The following LY86 variants were observed in gnomAD, a reference collection of about 807,000 sequenced individuals.
LY86 encodes the protein lymphocyte antigen 86, also known as MD-1, RP105-associated.
LY86 carries 20 observed loss-of-function variants against 17.3 expected under a neutral mutation model. The ratio of observed to expected loss-of-function variants is 1.15; its 90% CI spans 0.81 to 1.68. LY86 has a LOEUF of 1.68. LY86 is among the 40% of genes most tolerant of loss of function. The pLI, the probability that LY86 is intolerant of heterozygous loss-of-function variation, is 0.00. For missense variants in LY86, 200 were observed against 191.9 expected, an observed-to-expected ratio of 1.04 and a Z score of -0.25; for synonymous variants, 74 against 70.6, an observed-to-expected ratio of 1.05 and a Z score of -0.24.
At chr6:6,605,640 T>C (rs1761095347) in intron 1 of LY86, among the ~76,000 whole-genome samples, 2 of 152,276 alleles carry the variant, frequency 1.3e-5, no homozygotes, top group African/African-American at 4.8e-5. Context: ...TCCAATGTTT[T>C]CGCTATGTTC....
At chr6:6,634,372 C>T (rs1304021765) in intron 3 of LY86, among the ~76,000 whole-genome samples, 2 of 152,198 alleles carry the variant, frequency 1.3e-5, no homozygotes, top group African/African-American at 4.8e-5. Flanking sequence ...TACTGTTTGA[C>T]CGAAGTGAGA....
intron 3 of LY86, among the ~76,000 whole-genome samples, chr6:6,633,285 G>T (rs1761919104): frequency 6.6e-6 from 1 of 152,088 alleles, no homozygotes. Flanking sequence ...GGAGACGTGA[G>T]GTTCTCAACT....
intron 1 of LY86, among the ~76,000 whole-genome samples, chr6:6,605,319 G>A (rs1408624554): frequency 6.6e-6 from 1 of 152,188 alleles, no homozygotes; most frequent in Admixed American, 6.5e-5. Context: ...GTGTGGTTTA[G>A]TTGGGGGTCT....
chr6:6,590,919 T>C (rs905436895), intron 1 of LY86, among the ~76,000 whole-genome samples: 10 of 151,970 alleles, frequency 6.6e-5, no homozygotes, highest in Admixed American at 4.6e-4. Context: ...ATAAGGGACA[T>C]TGAAGTGCAC....
chr6:6,642,282 C>G (rs560932158), intron 3 of LY86, among the ~76,000 whole-genome samples: 1 of 152,370 alleles, frequency 6.6e-6, no homozygotes, highest in East Asian at 1.9e-4. Context: ...ATGGGGAGAA[C>G]TGGAAGAACC....
At chr6:6,630,294 C>A (rs974143723) in intron 3 of LY86, among the ~76,000 whole-genome samples, 2 of 152,226 alleles carry the variant, frequency 1.3e-5, no homozygotes, top group African/African-American at 4.8e-5. Context: ...AGTTCTGAAT[C>A]AAAGAGTTGC....
intron 1 of LY86, among the ~76,000 whole-genome samples, chr6:6,613,275 C>T (rs985743984): frequency 2.0e-5 from 3 of 152,218 alleles, no homozygotes. Flanking sequence ...GCCGTGCGCC[C>T]GCACTCCTCA....
chr6:6,596,882 A>G (rs1760730663), intron 1 of LY86, among the ~76,000 whole-genome samples: 1 of 152,230 alleles, frequency 6.6e-6, no homozygotes, highest in Non-Finnish European at 1.5e-5. Context: ...AACTTAGTGA[A>G]TAGGAACCTA....
At chr6:6,637,653 T>A (rs1363536236) in intron 3 of LY86, among the ~76,000 whole-genome samples, 1 of 152,172 alleles carries the variant, frequency 6.6e-6, no homozygotes, top group Non-Finnish European at 1.5e-5. Context: ...TGCTGGTATT[T>A]GCATTTTAAG....
intron 3 of LY86, among the ~76,000 whole-genome samples, chr6:6,630,034 CA>C (rs973635254): frequency 2.0e-5 from 3 of 152,142 alleles, no homozygotes; most frequent in Non-Finnish European, 4.4e-5. Flanking sequence ...AGTGTATACA[CA>C]AAAAAACTCT....
intron 1 of LY86, among the ~76,000 whole-genome samples, chr6:6,615,956 TG>T (rs1267254934): frequency 3.3e-5 from 5 of 152,226 alleles, no homozygotes; most frequent in Non-Finnish European, 7.3e-5. Flanking sequence ...AAAAAGAAGT[TG>T]GTTTCATTTT....
intron 1 of LY86, among the ~76,000 whole-genome samples, chr6:6,614,215 G>A (rs1251421777): frequency 6.6e-6 from 1 of 152,126 alleles, no homozygotes; most frequent in East Asian, 1.9e-4. Flanking sequence ...GTTCACAGCC[G>A]CAGAAGAACC....
chr6:6,594,452 A>ACT (rs200650127), intron 1 of LY86, among the ~76,000 whole-genome samples: 2 of 69,492 alleles, frequency 2.9e-5, no homozygotes, highest in Non-Finnish European at 8.9e-5. Context: ...TGTTTATGCT[A>ACT]CTCGTGTTAT....
chr6:6,612,512 A>T (rs1304740794), intron 1 of LY86, among the ~76,000 whole-genome samples: 1 of 136,486 alleles, frequency 7.3e-6, no homozygotes. Context: ...CTTACTGCAA[A>T]AAGCAAAAGA....
At chr6:6,605,945 A>G (rs1176225136) in intron 1 of LY86, among the ~76,000 whole-genome samples, 3 of 152,128 alleles carry the variant, frequency 2.0e-5, no homozygotes, top group Admixed American at 1.3e-4. Flanking sequence ...TATGGGTTAT[A>G]ACTCATAAAA....
At chr6:6,624,819 T>C (rs1581247071) in intron 1 of LY86, 107 bp from the exon 2 acceptor site, 1 of 621,772 alleles carries the variant, frequency 1.6e-6, no homozygotes, top group Non-Finnish European at 2.9e-6. Context: ...AATATGCTTT[T>C]GAATAAATGT....
At chr6:6,648,050 C>T (rs928005024) in intron 3 of LY86, among the ~76,000 whole-genome samples, 3 of 151,524 alleles carry the variant, frequency 2.0e-5, no homozygotes, top group Non-Finnish European at 4.4e-5. Flanking sequence ...TAAATGGCAC[C>T]CCCATCTATC....
At chr6:6,605,937 T>C (rs536993321) in intron 1 of LY86, among the ~76,000 whole-genome samples, 3 of 152,258 alleles carry the variant, frequency 2.0e-5, no homozygotes, top group African/African-American at 4.8e-5. Context: ...CTTCACAGTA[T>C]GGGTTATAAC....
In LY86 at chr6:6,603,615, C is replaced by G. The variant is rs9392116; in HGVS notation, c.136+14745C>G. On this transcript the variant is annotated intron_variant, in intron 1 of 4. Transcript: ENST00000230568. ...ACAAAAACAGAAACAGAAAAAAAAACAAACAAAAAAAAACAAAACACACAC... is the reference window on the plus strand; with the variant it reads ...ACAAAAACAGAAACAGAAAAAAAAAGAAACAAAAAAAAACAAAACACACAC... Among the ~76,000 whole-genome samples the G allele has an allele frequency of 7.0e-5, 8 of 114,180 alleles. 1 individual carries two copies. The highest frequency in any genetic ancestry group is 2.8e-4 in the South Asian group (1 of 3,574). 74.9% of individuals were successfully genotyped at this position (114,180 alleles called of 152,430 possible).
Sources: allele counts gnomAD v4.1 joint callset (sites outside exome capture counted in the v4.1 genomes callset), GRCh38; gene constraint gnomAD v4.1.1; transcripts MANE v1.5; gene names NCBI Gene and HGNC (gene_info 2026-07-23, HGNC 2026-07-21).